The following ADCY5 variants were observed in gnomAD, a reference collection of about 807,000 sequenced individuals.
ADCY5 encodes the protein adenylate cyclase 5.
Under a neutral mutation model 119.7 loss-of-function variants are expected in ADCY5, and 30 were observed. The ratio of observed to expected loss-of-function variants is 0.25; its 90% CI spans 0.19 to 0.34. The LOEUF (loss-of-function observed/expected upper bound fraction) is 0.34, where lower values mean the gene tolerates loss of function less well. Ranked by LOEUF, ADCY5 falls within the 10% of genes least tolerant of loss-of-function variation. ADCY5 has a pLI of 1.00. For missense variants in ADCY5, 1,324 were observed against 1,775.2 expected (o/e 0.75, Z 4.57); for synonymous variants, 753 against 762.2 (o/e 0.99, Z 0.20).
intron 1 of ADCY5, among the ~76,000 whole-genome samples, chr3:123,374,928 C>A (rs1347883254): frequency 6.6e-6 from 1 of 152,234 alleles, no homozygotes; most frequent in Non-Finnish European, 1.5e-5. Flanking sequence ...GATGAGCTCA[C>A]ACTGAAGGGT....
Position 123,448,294 on chromosome 3 carries a change from G to A in ADCY5, c.252C>T (p.Ser84=). ...RSDDDDDPPL[S]GDDPLAGGFG... is the part of the protein sequence containing the mutation. ...AGCCCCCGGCCAGGGGGTCGTCACC[G>A]CTCAGCGGAGGATCGTCGTCGTCGT... is the stretch of plus-strand genomic sequence containing the variant. Residue 84 remains serine (S), a synonymous_variant, in exon 1 of 21, where the codon AGC becomes AGT. Coordinates refer to ENST00000462833, the MANE Select transcript of ADCY5 (RefSeq NM_183357.3). The A allele has an allele frequency of 2.0e-6, 3 of 1,537,888 alleles. No individual in the cohort carries two copies. The highest frequency in any genetic ancestry group is 1.7e-6 in the Non-Finnish European group (2 of 1,153,008).
intron 11 of ADCY5, 53 bp downstream of exon 11, chr3:123,317,967 C>T: frequency 1.3e-6 from 2 of 1,532,498 alleles, no homozygotes; most frequent in Middle Eastern, 1.7e-4. Context: ...CCTCCCACTC[C>T]TGGGATTCCC....
At chr3:123,346,607 T>TTCGCTCTC (rs1553731596) in intron 3 of ADCY5, among the ~76,000 whole-genome samples, 1 of 128,072 alleles carries the variant, frequency 7.8e-6, no homozygotes, top group African/African-American at 2.6e-5. Context: ...CAGCCTCACC[T>TTCGCTCTC]TCTCTCTCTC....
intron 1 of ADCY5, chr3:123,368,077 G>T: frequency 2.8e-6 from 4 of 1,433,260 alleles, no homozygotes; most frequent in Non-Finnish European, 3.6e-6. Context: ...GATTCAGTGA[G>T]AGGAGTGCTA....
chr3:123,445,924 CT>C (rs1173441267), intron 1 of ADCY5, among the ~76,000 whole-genome samples: 1 of 152,212 alleles, frequency 6.6e-6, no homozygotes, highest in African/African-American at 2.4e-5. Context: ...TGAATAAGTG[CT>C]CCACTCTGTG....
intron 1 of ADCY5, among the ~76,000 whole-genome samples, chr3:123,389,464 T>C (rs1358402301): frequency 6.6e-6 from 1 of 151,788 alleles, no homozygotes; most frequent in African/African-American, 2.4e-5. Context: ...CCAATACCAG[T>C]AGGGTCCATT....
rs561855490 is a variant in ADCY5, at chr3:123,328,573, G to A, written c.1805+71C>T. 17 of 1,565,308 alleles carry A rather than the reference G, an allele frequency of 1.1e-5. No homozygotes were observed. The South Asian group carries it at 2.0e-4, about 18-fold the overall frequency. ...ACCCTGCCCCGCCTCGCCTCTGCAG[G>A]ATGGTCACCCTGGGTGGGCTTGAGT... On this transcript the variant is annotated intron_variant, in intron 6 of 20. Transcript: ENST00000462833.
intron 1 of ADCY5, among the ~76,000 whole-genome samples, chr3:123,397,618 CAGAG>C (rs1272701729): frequency 1.3e-5 from 2 of 152,228 alleles, no homozygotes; most frequent in African/African-American, 2.4e-5. Context: ...GCCTGAGTGA[CAGAG>C]AGAGATTCTC....
chr3:123,367,103 A>G (rs1193933856), intron 1 of ADCY5, among the ~76,000 whole-genome samples: 1 of 152,238 alleles, frequency 6.6e-6, no homozygotes, highest in Non-Finnish European at 1.5e-5. Flanking sequence ...AAGTCGTACA[A>G]AAGTCCCCCA....
Position 123,319,677 on chromosome 3 carries a change from C to A in ADCY5, c.2253G>T (p.Lys751Asn), listed in dbSNP as rs989505214. The A allele has an allele frequency of 6.2e-7, 1 of 1,614,178 alleles. No homozygotes were observed. The highest frequency in any genetic ancestry group is 8.5e-7 in the Non-Finnish European group (1 of 1,180,012). The change falls in exon 10 of 21, where the codon AAG becomes AAT. Residue 751 changes from lysine to asparagine, a missense_variant. Physicochemically the swap from Lys to Asn is moderately conservative, Grantham distance 94 (BLOSUM62 0). Around this residue, in one of 6 missense-constraint regions of ADCY5, gnomAD observed 424 missense variants for 546.8 expected, o/e 0.78. Coordinates refer to ENST00000462833, the MANE Select transcript of ADCY5 (RefSeq NM_183357.3). Reference sequence around the variant, plus strand: ...CTTCCCACCCAGGGTGCTGTACCTTCTTCTCTAAGTCAGGCTCCCTGAAGG... The same window carrying A: ...CTTCCCACCCAGGGTGCTGTACCTTATTCTCTAAGTCAGGCTCCCTGAAGG... ...LLTFREPDLE[K>N]KYSKQVDDRF...
chr3:123,394,826 G>A (rs1207539116), intron 1 of ADCY5, among the ~76,000 whole-genome samples: 1 of 152,302 alleles, frequency 6.6e-6, no homozygotes, highest in Non-Finnish European at 1.5e-5. Context: ...ATGGTGACCT[G>A]AGTCACCCAG....
At chr3:123,383,975 CACACACAA>C (rs1944128621) in intron 1 of ADCY5, among the ~76,000 whole-genome samples, 7 of 132,388 alleles carry the variant, frequency 5.3e-5, no homozygotes, top group Non-Finnish European at 8.6e-5. Context: ...CGCGCACACA[CACACACAA>C]ACACACACCC....
chr3:123,396,824 G>GAGAGAGAGAGAGAGAGAC (rs1553744388), intron 1 of ADCY5, among the ~76,000 whole-genome samples: 11 of 148,130 alleles, frequency 7.4e-5, no homozygotes, highest in African/African-American at 2.8e-4. Context: ...GCAGGCGAGA[G>GAGAGAGAGAGAGAGAGAC]AGAGAGAGAG....
intron 1 of ADCY5, among the ~76,000 whole-genome samples, chr3:123,410,391 G>A (rs957919549): frequency 2.0e-5 from 3 of 146,696 alleles, no homozygotes; most frequent in South Asian, 2.2e-4. Flanking sequence ...GGGCCACCCC[G>A]TACCTCCCAG....
intron 1 of ADCY5, among the ~76,000 whole-genome samples, chr3:123,398,034 G>A (rs902379346): frequency 6.6e-6 from 1 of 152,154 alleles, no homozygotes; most frequent in Admixed American, 6.5e-5. Flanking sequence ...AGCTGCTCGC[G>A]GGTGTCTTGG....
chr3:123,303,089 C>G lies in ADCY5; in HGVS notation c.2690G>C (p.Cys897Ser), dbSNP rs773128851. Residue 897 changes from cysteine to serine, a missense_variant, in exon 14 of 21, where the codon TGT (cysteine) becomes TCT (serine). Cys to Ser is a moderately radical substitution (Grantham distance 112). Coordinates refer to ENST00000462833, the MANE Select transcript of ADCY5 (RefSeq NM_183357.3). Reference protein sequence around the residue: ...NYSLGDEQGFCGSPWPNCNFP... With the variant: ...NYSLGDEQGFSGSPWPNCNFP... ...GTTGCAGTTGGGCCAGGGGCTGCCACAGAAGCCCTGCTCATCGCCCAGGCT... is the reference window on the plus strand; with the variant it reads ...GTTGCAGTTGGGCCAGGGGCTGCCAGAGAAGCCCTGCTCATCGCCCAGGCT... 2 of 1,613,820 alleles carry G rather than the reference C, an allele frequency of 1.2e-6. No homozygotes were observed. Among genetic ancestry groups the G allele is most frequent in the Admixed American group, 3.3e-5 (2 of 60,034 alleles).
chr3:123,332,479 TG>T (rs1332806174), intron 4 of ADCY5, 84 bp downstream of exon 4: 19 of 1,007,414 alleles, frequency 1.9e-5, no homozygotes, highest in Middle Eastern at 2.0e-4. Context: ...TGCCCATCCC[TG>T]GGGTTCAGCA....
rs1945862620 is a variant in ADCY5 at position 123,448,134 on chromosome 3, C to T, written c.412G>A (p.Gly138Ser). 9.8e-7 allele frequency: 1 copy of T among 1,022,614 alleles called. No homozygotes were observed. The highest frequency in any genetic ancestry group is 1.2e-6 in the Non-Finnish European group (1 of 859,546). 63.3% of individuals were successfully genotyped at this position (1,022,614 alleles called of 1,614,324 possible). The change falls in exon 1 of 21, where the codon GGC (glycine) becomes AGC (serine). Residue 138 changes from glycine (G) to serine (S), a missense_variant. This residue lies in a region of ADCY5 where 585 missense variants were observed against 569.9 expected (regional missense o/e 1.03). Coordinates refer to ENST00000462833, the MANE Select transcript of ADCY5 (RefSeq NM_183357.3). ...TRAPPAGGGG[G>S]SAAAAASAGG... is the part of the protein sequence containing the mutation. Reference sequence around the variant, plus strand: ...GCCGAGGCAGCCGCCGCCGCCGAGCCGCCGCCGCCGCCCGCAGGGGGCGCC... The same window carrying T: ...GCCGAGGCAGCCGCCGCCGCCGAGCTGCCGCCGCCGCCCGCAGGGGGCGCC...
chr3:123,359,270 A>G (rs927750035), intron 1 of ADCY5, among the ~76,000 whole-genome samples: 4 of 147,772 alleles, frequency 2.7e-5, no homozygotes, highest in Non-Finnish European at 5.9e-5. Flanking sequence ...ACAGACAAAC[A>G]ACACGTACAT....
Sources: gnomAD v4.1 joint callset for allele counts (sites outside exome capture counted in the v4.1 genomes callset) on GRCh38, gnomAD v4.1.1 for gene constraint, gnomAD v4.1.1 regional missense constraint, MANE v1.5 for transcripts, NCBI Gene and HGNC (gene_info 2026-07-23, HGNC 2026-07-21) for gene names.